Variants in RBMX observed in about 807,000 individuals in gnomAD.
RBMX encodes RNA-binding motif protein, X chromosome.
A neutral mutation model predicts 29.3 loss-of-function variants in RBMX; 1 was observed. That is an observed-to-expected ratio of 0.03 (90% CI 0.01 to 0.16). The LOEUF (loss-of-function observed/expected upper bound fraction) is 0.16. Among genes scored for constraint, RBMX ranks in the 10% least tolerant of loss-of-function variants. The pLI is 1.00. For missense variants in RBMX, 121 were observed against 333.2 expected (o/e 0.36, Z 4.96); for synonymous variants, 102 against 102.3 (o/e 1.00, Z 0.02).
chrX:136,878,402 G>C (rs2077757618), intron 3 of RBMX, among the ~76,000 whole-genome samples: 3 of 110,728 alleles, frequency 2.7e-5, no homozygotes, highest in South Asian at 7.6e-4. Flanking sequence ...AAAACCAAAA[G>C]CCAAGTTATC....
downstream of RBMX, chrX:136,872,408 C>G (rs886349273): frequency 9.4e-6 from 9 of 962,317 alleles, no homozygotes; most frequent in Non-Finnish European, 1.3e-5. Context: ...TAAAACTTGC[C>G]TATTACTGCC....
At chrX:136,876,427 A>G in intron 5 of RBMX, 76 bp downstream of exon 5, 1 of 1,070,813 alleles carries the variant, frequency 9.3e-7, no homozygotes, top group Non-Finnish European at 1.2e-6. Context: ...TGGCCAATTA[A>G]AATTTTAAGC....
chrX:136,871,172 T>C (rs1794675376), downstream of RBMX, among the ~76,000 whole-genome samples: 1 of 105,664 alleles, frequency 9.5e-6, no homozygotes, highest in Non-Finnish European at 1.9e-5. Flanking sequence ...GGCGGCCAGG[T>C]GCGGTGGCTC....
chrX:136,871,369 G>A (rs766365653), downstream of RBMX, among the ~76,000 whole-genome samples: 696 of 103,038 alleles, frequency 6.8e-3, 12 homozygotes, highest in African/African-American at 0.023. Flanking sequence ...GCGTGAACCC[G>A]GGAGGCAGAG....
In RBMX at chrX:136,875,250, T is replaced by C. The variant is rs1157015774; in HGVS notation, c.782+8A>G. 1.7e-6 allele frequency: 2 copies of C among 1,209,977 alleles called. No homozygotes were observed. Among genetic ancestry groups the C allele is most frequent in the African/African-American group, 3.5e-5 (2 of 57,347 alleles). On this transcript the variant is annotated splice_region_variant and intron_variant, in intron 7 of 8. Coordinates refer to ENST00000320676, the MANE Select transcript of RBMX (RefSeq NM_002139.4). ...TTACATGTAAGCCACAGAAGCAAAG[T>C]CACTTACCTATATCCTCTTGATGGA... is the stretch of plus-strand genomic sequence containing the variant.
downstream of RBMX, chrX:136,870,047 G>A (rs1208660515): frequency 8.9e-6 from 1 of 112,175 alleles, no homozygotes; most frequent in Non-Finnish European, 1.9e-5. Context: ...ACTAGATACA[G>A]CTACCACTTA....
chrX:136,875,440 A>T, intron 6 of RBMX, 31 bp downstream of exon 6: 1 of 1,207,049 alleles, frequency 8.3e-7, no homozygotes, highest in South Asian at 1.8e-5. Flanking sequence ...AACCTTAATT[A>T]TTAATTTAAA....
chrX:136,873,467 T>G lies in RBMX; in HGVS notation c.*675A>C, dbSNP rs2077696431. ...CACCTTTGCAGCTTCATGGTTGGTT[T>G]TGGCCAAACTTTTTATTTAGTATTC... On this transcript the variant is annotated 3_prime_UTR_variant, in exon 9 of 9. Transcript: ENST00000320676. 1.6e-5 allele frequency: 12 copies of G among 754,554 alleles called. No homozygotes were observed. The highest frequency in any genetic ancestry group is 1.7e-5 in the Non-Finnish European group (11 of 639,178). The allele number at this position is 754,554 out of a possible 1,213,427, so 62.2% of individuals were successfully genotyped here.
chrX:136,879,531 T>C (rs1323543391), intron 1 of RBMX, 78 bp from the exon 2 acceptor site: 1 of 841,944 alleles, frequency 1.2e-6, no homozygotes, highest in African/African-American at 2.1e-5. Context: ...CGCACATTTC[T>C]CATATTTTCC....
downstream of RBMX, chrX:136,872,878 T>C (rs1043121719): frequency 1.8e-5 from 2 of 111,328 alleles, no homozygotes; most frequent in African/African-American, 3.3e-5. Context: ...CTTAAGCCAT[T>C]TCCTATATTG....
intron 5 of RBMX, 79 bp downstream of exon 5, chrX:136,876,424 T>C: frequency 1.9e-6 from 2 of 1,056,476 alleles, no homozygotes; most frequent in Non-Finnish European, 2.5e-6. Flanking sequence ...GCCTGGCCAA[T>C]TAAAATTTTA....
At position 136,876,645 on chromosome X, in the gene RBMX, T is replaced by A. The variant is rs2077732801; in HGVS notation, c.399A>T (p.Gly133=). The change falls in exon 5 of 9, where the codon GGA becomes GGT. Residue 133 remains glycine (G), a synonymous_variant. Coordinates refer to ENST00000320676, the MANE Select transcript of RBMX (RefSeq NM_002139.4). The part of the protein sequence containing the change: ...PSRGGHMDDG[G]YSMNFNMSSS... ...AACTCATGTTAAAATTCATGGAATA[T>A]CCACCGTCATCTGCATCAAAAATAG... The A allele has an allele frequency of 8.5e-7, 1 of 1,179,251 alleles. No individual in the cohort carries two copies. Among genetic ancestry groups the A allele is most frequent in the East Asian group, 3.0e-5 (1 of 33,259 alleles).
At chrX:136,876,754 C>A in intron 4 of RBMX, 99 bp from the exon 5 acceptor site, 1 of 755,001 alleles carries the variant, frequency 1.3e-6, no homozygotes. Context: ...GTCGCCCAGG[C>A]TGGAGTGCAG....
chrX:136,874,289 G>C lies in RBMX; in HGVS notation c.1029C>G (p.Gly343=). The C allele has an allele frequency of 8.2e-7, 1 of 1,212,810 alleles. No homozygotes were observed. The highest frequency in any genetic ancestry group is 1.1e-6 in the Non-Finnish European group (1 of 895,653). Residue 343 remains glycine (G), a synonymous_variant, in exon 9 of 9, where the codon GGC becomes GGG. Coordinates refer to ENST00000320676, the MANE Select transcript of RBMX (RefSeq NM_002139.4). The part of the protein sequence containing the change: ...DLYSSGRDRV[G]RQERGLPPSM... ...AAGGGGGAAGCCCTCTTTCTTGTCT[G>C]CCAACCCGATCACGACCACTTGAGT...
intron 5 of RBMX, among the ~76,000 whole-genome samples, chrX:136,875,826 G>A (rs953891235): frequency 9.2e-6 from 1 of 108,825 alleles, no homozygotes; most frequent in African/African-American, 3.3e-5. Context: ...TTTGAGATGG[G>A]AGTCTCGCTC....
rs1313354166 is a variant in RBMX, at chrX:136,874,017, T to A, written c.*125A>T. The A allele has an allele frequency of 9.0e-7, 1 of 1,109,842 alleles. No homozygotes were observed. The highest frequency in any genetic ancestry group is 1.2e-6 in the Non-Finnish European group (1 of 847,357). The allele number at this position is 1,109,842 out of a possible 1,213,427, so 91.5% of individuals were successfully genotyped here. On this transcript the variant is annotated 3_prime_UTR_variant, in exon 9 of 9. Transcript: ENST00000320676. The stretch of plus-strand genomic sequence containing the variant: ...GAACATAAAAATTATGGAGGGGAAC[T>A]TAACAGGGAATTTAAAAAAAGTAAC...
chrX:136,872,234 T>C (rs2077689746), downstream of RBMX: 8 of 1,053,171 alleles, frequency 7.6e-6, no homozygotes, highest in South Asian at 1.6e-4. Flanking sequence ...ACACAACATT[T>C]AAACCTTCAA....
At chrX:136,872,825 CAA>C (rs1390355011), downstream of RBMX, 1 of 112,671 alleles carries the variant, frequency 8.9e-6, no homozygotes, top group East Asian at 2.8e-4. Context: ...AACTAAATGT[CAA>C]GTTTGCAATG....
chrX:136,880,453 A>AC (rs1459340081), intron 1 of RBMX, 144 bp downstream of exon 1: 3 of 109,639 alleles, frequency 2.7e-5, no homozygotes, highest in Non-Finnish European at 5.7e-5. Context: ...TTTTCCCTCG[A>AC]CCCCCTCAGC....
Sources: allele counts gnomAD v4.1 joint callset (sites outside exome capture counted in the v4.1 genomes callset), GRCh38; gene constraint gnomAD v4.1.1; transcripts MANE v1.5; gene names NCBI Gene and HGNC (gene_info 2026-07-23, HGNC 2026-07-21).